SPIDR: variants seen among roughly 807,000 people sequenced by gnomAD.
The protein encoded by SPIDR is scaffold protein involved in DNA repair.
In SPIDR, 93 loss-of-function variants were observed where a neutral mutation model predicts 104.6. That is an observed-to-expected ratio of 0.89 (90% CI 0.75 to 1.06). SPIDR has a LOEUF of 1.06. Among genes scored for constraint, SPIDR ranks in the 50% least tolerant of loss-of-function variants. SPIDR has a pLI of 0.00. For synonymous variants in SPIDR, 431 were observed against 416.9 expected (o/e 1.03, Z -0.41); for missense variants, 1,154 against 1,111.2 (o/e 1.04, Z -0.55).
intron 11 of SPIDR, among the ~76,000 whole-genome samples, chr8:47,679,274 G>A (rs1349778601): frequency 6.6e-6 from 1 of 152,198 alleles, no homozygotes; most frequent in African/African-American, 2.4e-5. Flanking sequence ...AATAATATGA[G>A]AACATCATGC....
At chr8:47,649,254 G>T (rs996287942) in intron 10 of SPIDR, among the ~76,000 whole-genome samples, 17 of 147,812 alleles carry the variant, frequency 1.2e-4, no homozygotes, top group African/African-American at 3.2e-4. Flanking sequence ...AGCCTGTCAA[G>T]AAAAAGTGGG....
chr8:47,415,355 A>G (rs1415882725), intron 7 of SPIDR, among the ~76,000 whole-genome samples: 1 of 152,182 alleles, frequency 6.6e-6, no homozygotes, highest in Admixed American at 6.5e-5. Flanking sequence ...AGCCAGGATG[A>G]TGATCTCCAA....
At chr8:47,315,600 T>A (rs1554588950) in intron 5 of SPIDR, among the ~76,000 whole-genome samples, 5 of 152,134 alleles carry the variant, frequency 3.3e-5, no homozygotes, top group Non-Finnish European at 1.5e-5. Flanking sequence ...TCCTGATGAT[T>A]TACAAGGTGG....
intron 11 of SPIDR, among the ~76,000 whole-genome samples, chr8:47,682,290 G>T (rs1441579705): frequency 6.6e-6 from 1 of 150,924 alleles, no homozygotes; most frequent in Non-Finnish European, 1.5e-5. Context: ...GACACAAAAG[G>T]TCTCATGCCT....
At chr8:47,640,230 C>T (rs991900285) in intron 10 of SPIDR, among the ~76,000 whole-genome samples, 4 of 152,160 alleles carry the variant, frequency 2.6e-5, no homozygotes, top group Non-Finnish European at 5.9e-5. Context: ...GTTATGCCTG[C>T]TGGCAGAAGT....
At chr8:47,517,959 A>G (rs781511276) in intron 8 of SPIDR, among the ~76,000 whole-genome samples, 2 of 152,162 alleles carry the variant, frequency 1.3e-5, no homozygotes, top group African/African-American at 2.4e-5. Context: ...TTGCCTCTGT[A>G]TTCTATTTCA....
chr8:47,646,560 T>C (rs2070396643), intron 10 of SPIDR, among the ~76,000 whole-genome samples: 1 of 152,192 alleles, frequency 6.6e-6, no homozygotes, highest in Admixed American at 6.5e-5. Flanking sequence ...CATAGTAGAA[T>C]ACTATGCAGC....
At chr8:47,523,825 A>G (rs1414161485) in intron 8 of SPIDR, among the ~76,000 whole-genome samples, 4 of 152,244 alleles carry the variant, frequency 2.6e-5, no homozygotes, top group African/African-American at 9.6e-5. Context: ...GCACCATTAC[A>G]TAACCCAGTT....
intron 10 of SPIDR, among the ~76,000 whole-genome samples, chr8:47,654,657 C>T (rs1207784443): frequency 1.3e-5 from 2 of 151,564 alleles, no homozygotes; most frequent in African/African-American, 2.4e-5. Flanking sequence ...AAGGTTTAGA[C>T]TCTTTTCTTT....
Position 47,654,129 on chromosome 8 carries a change from C to G in SPIDR, c.1545-19672C>G, listed in dbSNP as rs868523645. 31 of 1,289,720 alleles carry G rather than the reference C, an allele frequency of 2.4e-5. No homozygotes were observed. In the African/African-American group the frequency reaches 4.4e-4, roughly 18 times the overall value. The allele number at this position is 1,289,720 out of a possible 1,614,324, so 79.9% of individuals were successfully genotyped here. ...GAGGCATGCAGGAGCCATTGGGATA[C>G]TCCCAAAGTTCTCTGGCCAGGTGAG... On this transcript the variant is annotated intron_variant, in intron 10 of 19. Transcript: ENST00000297423.
intron 5 of SPIDR, among the ~76,000 whole-genome samples, chr8:47,348,687 C>T (rs550622191): frequency 4.0e-4 from 61 of 152,232 alleles, no homozygotes; most frequent in Non-Finnish European, 7.9e-4. Context: ...CTTCTCTTTT[C>T]GCTTCATTTC....
intron 8 of SPIDR, among the ~76,000 whole-genome samples, chr8:47,489,020 A>G (rs540766631): frequency 5.3e-4 from 81 of 152,296 alleles, no homozygotes; most frequent in South Asian, 2.9e-3. Flanking sequence ...GGCAGGAGAA[A>G]GAAATAAAGG....
At chr8:47,451,870 C>T (rs1273675378) in intron 8 of SPIDR, among the ~76,000 whole-genome samples, 1 of 152,004 alleles carries the variant, frequency 6.6e-6, no homozygotes, top group Non-Finnish European at 1.5e-5. Context: ...TTGTGCCAGC[C>T]CCTCAGTGAT....
At chr8:47,705,810 G>A (rs543629722) in intron 14 of SPIDR, among the ~76,000 whole-genome samples, 1 of 152,044 alleles carries the variant, frequency 6.6e-6, no homozygotes, top group Admixed American at 6.6e-5. Flanking sequence ...AGGCTGACAT[G>A]GGAGGATCCC....
chr8:47,547,779 C>G (rs772998949), intron 8 of SPIDR: 13 of 174,560 alleles, frequency 7.4e-5, no homozygotes. Context: ...TAAGTCTGTT[C>G]CTTAGGAAAA....
intron 8 of SPIDR, among the ~76,000 whole-genome samples, chr8:47,523,192 A>T (rs1483756509): frequency 6.6e-6 from 1 of 151,968 alleles, no homozygotes; most frequent in African/African-American, 2.4e-5. Flanking sequence ...TTCTTTTGGA[A>T]TTTGAACTTT....
At chr8:47,470,504 G>A (rs546531161) in intron 8 of SPIDR, among the ~76,000 whole-genome samples, 3 of 151,668 alleles carry the variant, frequency 2.0e-5, no homozygotes, top group East Asian at 2.0e-4. Context: ...GCCCAGGCTC[G>A]AACTCCTAAC....
At chr8:47,331,134 C>T (rs1554604225) in intron 5 of SPIDR, among the ~76,000 whole-genome samples, 2 of 152,108 alleles carry the variant, frequency 1.3e-5, no homozygotes, top group African/African-American at 4.8e-5. Flanking sequence ...TACTTATTTG[C>T]CATCTGTATC....
chr8:47,571,434 C>T (rs1050876360), intron 8 of SPIDR, among the ~76,000 whole-genome samples: 2 of 151,876 alleles, frequency 1.3e-5, no homozygotes, highest in East Asian at 3.9e-4. Flanking sequence ...TTCAATAAAG[C>T]TCAGGGGGAG....
Sources: allele counts gnomAD v4.1 joint callset (sites outside exome capture counted in the v4.1 genomes callset), GRCh38; gene constraint gnomAD v4.1.1; transcripts MANE v1.5; gene names NCBI Gene and HGNC (gene_info 2026-07-23, HGNC 2026-07-21).